The following MAF variants were observed in gnomAD, a reference collection of about 807,000 sequenced individuals.
MAF encodes the protein MAF bZIP transcription factor, also known as transcription factor Maf.
MAF carries 10 observed loss-of-function variants against 22.0 expected under a neutral mutation model. That is an observed-to-expected ratio of 0.45 (90% CI 0.28 to 0.77). The LOEUF is 0.77. Among genes scored for constraint, MAF ranks in the 30% least tolerant of loss-of-function variants. The pLI is 0.12. For missense variants in MAF, 544 were observed against 548.4 expected (o/e 0.99, Z 0.08); for synonymous variants, 337 against 255.8 (o/e 1.32, Z -3.03).
chr16:79,229,750 T>G, the MAF span, among the ~76,000 whole-genome samples: 16 of 152,014 alleles, frequency 1.1e-4, no homozygotes, highest in Non-Finnish European at 1.9e-4. Context: ...GAAAATACTT[T>G]GTACCTCCGG....
chr16:79,220,205 C>T, the MAF span, among the ~76,000 whole-genome samples: 3 of 128,164 alleles, frequency 2.3e-5, no homozygotes, highest in Admixed American at 2.0e-4. Flanking sequence ...GCTGTGAGCT[C>T]AGATGGTGCC....
the MAF span, among the ~76,000 whole-genome samples, chr16:79,412,690 T>C: frequency 2.0e-5 from 3 of 152,236 alleles, no homozygotes; most frequent in Non-Finnish European, 4.4e-5. Flanking sequence ...TCGCAGTTCC[T>C]GTAGATAGGC....
the MAF span, among the ~76,000 whole-genome samples, chr16:79,434,351 C>A: frequency 1.3e-4 from 20 of 152,274 alleles, no homozygotes; most frequent in East Asian, 2.5e-3. Flanking sequence ...AGAGGGGGAA[C>A]CTTAATTTTA....
chr16:79,264,730 G>A, the MAF span, among the ~76,000 whole-genome samples: 1 of 152,288 alleles, frequency 6.6e-6, no homozygotes, highest in African/African-American at 2.4e-5. Context: ...ACATCTCCCA[G>A]ATACAAATGT....
At chr16:79,207,307 G>A in the MAF span, among the ~76,000 whole-genome samples, 2 of 152,262 alleles carry the variant, frequency 1.3e-5, no homozygotes, top group African/African-American at 2.4e-5. Flanking sequence ...AACAATGGAA[G>A]TAGGCAGGGT....
At chr16:79,442,624 G>A in the MAF span, among the ~76,000 whole-genome samples, 1 of 152,186 alleles carries the variant, frequency 6.6e-6, no homozygotes, top group Non-Finnish European at 1.5e-5. Flanking sequence ...ATGGCTCACT[G>A]CAGCCTCAGA....
the MAF span, among the ~76,000 whole-genome samples, chr16:79,401,459 G>A: frequency 6.6e-6 from 1 of 152,016 alleles, no homozygotes; most frequent in Non-Finnish European, 1.5e-5. Context: ...TGGGAAAACT[G>A]GCATTTAAAC....
chr16:79,359,217 A>C, the MAF span, among the ~76,000 whole-genome samples: 15 of 152,138 alleles, frequency 9.9e-5, no homozygotes, highest in Non-Finnish European at 1.9e-4. Context: ...TTACGCCATC[A>C]CTTTCTTTCC....
the MAF span, among the ~76,000 whole-genome samples, chr16:79,477,140 T>C: frequency 2.0e-5 from 3 of 152,148 alleles, no homozygotes; most frequent in African/African-American, 7.2e-5. Flanking sequence ...TGGGAACTGA[T>C]ACAATTACGT....
downstream of MAF, chr16:79,593,783 T>TTTTTTGAGTGGTGATTTTC (rs1348441359): frequency 1.9e-4 from 33 of 174,774 alleles, no homozygotes; most frequent in Non-Finnish European, 3.6e-4. Flanking sequence ...GGTGATTTTT[T>TTTTTTGAGTGGTGATTTTC]TTTTTTTGAG....
chr16:79,549,372 G>A, the MAF span, among the ~76,000 whole-genome samples: 1 of 152,176 alleles, frequency 6.6e-6, no homozygotes, highest in African/African-American at 2.4e-5. Context: ...TCCACTCCAG[G>A]CTGGGATAGA....
chr16:79,333,038 G>A, the MAF span, among the ~76,000 whole-genome samples: 3 of 152,344 alleles, frequency 2.0e-5, no homozygotes, highest in East Asian at 5.8e-4. Context: ...CCAGTGCTAG[G>A]TGGATGAGTC....
the MAF span, among the ~76,000 whole-genome samples, chr16:79,528,590 C>T: frequency 1.3e-5 from 2 of 150,918 alleles, no homozygotes; most frequent in Non-Finnish European, 2.9e-5. Flanking sequence ...AACCATATCT[C>T]AAATAACCCA....
At chr16:79,363,733 G>C in the MAF span, among the ~76,000 whole-genome samples, 77 of 152,222 alleles carry the variant, frequency 5.1e-4, no homozygotes, top group African/African-American at 1.8e-3. Context: ...TCAGTGAATG[G>C]GGTCACTGGG....
chr16:79,399,519 G>A, the MAF span, among the ~76,000 whole-genome samples: 1 of 152,088 alleles, frequency 6.6e-6, no homozygotes, highest in South Asian at 2.1e-4. Flanking sequence ...CTAGTCAGAG[G>A]GCAAAGAAAA....
At chr16:79,588,601 A>G (rs1056381717) in intron 1 of MAF, among the ~76,000 whole-genome samples, 2 of 151,914 alleles carry the variant, frequency 1.3e-5, no homozygotes, top group Non-Finnish European at 2.9e-5. Context: ...AGCTGGGATT[A>G]CAGGCACGTG....
At chr16:79,213,489 G>C in the MAF span, among the ~76,000 whole-genome samples, 1 of 152,216 alleles carries the variant, frequency 6.6e-6, no homozygotes, top group African/African-American at 2.4e-5. Context: ...TCTACACCTG[G>C]AGGGGATCAC....
At chr16:79,415,171 G>C in the MAF span, among the ~76,000 whole-genome samples, 2 of 152,066 alleles carry the variant, frequency 1.3e-5, no homozygotes, top group African/African-American at 4.8e-5. Flanking sequence ...AACATGGAGA[G>C]CTACACGGGC....
downstream of MAF, among the ~76,000 whole-genome samples, chr16:79,591,078 C>T (rs1391583760): frequency 6.6e-6 from 1 of 152,176 alleles, no homozygotes; most frequent in Admixed American, 6.5e-5. Flanking sequence ...GAGTGATTTT[C>T]TCTCCTTCCT....
Sources: gnomAD v4.1 joint callset for allele counts (sites outside exome capture counted in the v4.1 genomes callset) on GRCh38, gnomAD v4.1.1 for gene constraint, MANE v1.5 for transcripts, NCBI Gene and HGNC (gene_info 2026-07-23, HGNC 2026-07-21) for gene names.